The following ARHGAP15 variants were observed in gnomAD, a reference collection of about 807,000 sequenced individuals.
ARHGAP15 encodes the protein rho GTPase-activating protein 15.
Under a neutral mutation model 63.7 loss-of-function variants are expected in ARHGAP15, and 51 were observed. The ratio of observed to expected loss-of-function variants is 0.80; its 90% CI spans 0.64 to 1.01. ARHGAP15 has a LOEUF of 1.01. ARHGAP15 is among the 50% of genes least tolerant of loss of function. ARHGAP15 has a pLI of 0.00. For synonymous variants in ARHGAP15, 191 were observed against 193.8 expected, an observed-to-expected ratio of 0.99 and a Z score of 0.12; for missense variants, 560 against 564.6, an observed-to-expected ratio of 0.99 and a Z score of 0.08.
intron 6 of ARHGAP15, among the ~76,000 whole-genome samples, chr2:143,384,012 T>C (rs1052432849): frequency 6.6e-6 from 1 of 152,118 alleles, no homozygotes; most frequent in African/African-American, 2.4e-5. Flanking sequence ...GTCCTTGCCA[T>C]CCTCCTCAGA....
intron 10 of ARHGAP15, among the ~76,000 whole-genome samples, chr2:143,542,671 A>G (rs1695131190): frequency 6.9e-6 from 1 of 144,608 alleles, no homozygotes; most frequent in Admixed American, 7.1e-5. Flanking sequence ...TATATATGAT[A>G]TATATGATAT....
chr2:143,585,673 A>G (rs1438197448), intron 11 of ARHGAP15, among the ~76,000 whole-genome samples: 4 of 152,220 alleles, frequency 2.6e-5, no homozygotes, highest in African/African-American at 2.4e-5. Context: ...AGTGTTTTTA[A>G]TAAAAAGTGT....
intron 6 of ARHGAP15, among the ~76,000 whole-genome samples, chr2:143,379,509 G>A (rs879730012): frequency 3.3e-5 from 5 of 151,038 alleles, no homozygotes; most frequent in African/African-American, 7.3e-5. Context: ...GTGTGTGTGT[G>A]TGTGTGTGTG....
chr2:143,516,952 T>G (rs534331134), intron 9 of ARHGAP15, among the ~76,000 whole-genome samples: 46 of 150,462 alleles, frequency 3.1e-4, no homozygotes, highest in South Asian at 6.4e-4. Context: ...TTTGTTGTTG[T>G]TGTTGGTGTT....
At chr2:143,401,163 A>G (rs1687972241) in intron 6 of ARHGAP15, among the ~76,000 whole-genome samples, 1 of 152,038 alleles carries the variant, frequency 6.6e-6, no homozygotes, top group Non-Finnish European at 1.5e-5. Flanking sequence ...GATATGCTGG[A>G]AAGCAGGATT....
chr2:143,370,049 G>A (rs1686474669), intron 6 of ARHGAP15, among the ~76,000 whole-genome samples: 1 of 152,066 alleles, frequency 6.6e-6, no homozygotes, highest in Non-Finnish European at 1.5e-5. Context: ...AGTAGATAAG[G>A]AGTAGGTCTT....
intron 8 of ARHGAP15, among the ~76,000 whole-genome samples, chr2:143,447,407 T>C (rs1163618790): frequency 6.6e-6 from 1 of 152,202 alleles, no homozygotes; most frequent in Admixed American, 6.6e-5. Context: ...GAGCCACTTA[T>C]AAGGAGTAAA....
At chr2:143,476,867 G>A (rs1010731752) in intron 8 of ARHGAP15, among the ~76,000 whole-genome samples, 25 of 152,176 alleles carry the variant, frequency 1.6e-4, no homozygotes, top group Admixed American at 4.6e-4. Context: ...CATGCGATGA[G>A]CTTGGGTGTT....
intron 6 of ARHGAP15, among the ~76,000 whole-genome samples, chr2:143,386,488 G>T (rs1227041259): frequency 6.6e-6 from 1 of 152,130 alleles, no homozygotes; most frequent in Non-Finnish European, 1.5e-5. Context: ...ACTCATGCTT[G>T]AGAAAGTAAC....
rs1435545529 is a variant in ARHGAP15, at chr2:143,277,832, G to C, written c.474+27232G>C. On this transcript the variant is annotated intron_variant, in intron 6 of 13. Transcript: ENST00000295095. ...CAGTTCTCTCCATATGGTTTATTTA[G>C]AGAAAAGTACAGAGAATATTTTTAT... Among the ~76,000 whole-genome samples, 6 of 152,140 alleles carry C rather than the reference G, an allele frequency of 3.9e-5. No individual in the cohort carries two copies. The East Asian group carries it at 9.7e-4, about 25-fold the overall frequency.
At chr2:143,433,171 A>G (rs1353750552) in intron 6 of ARHGAP15, among the ~76,000 whole-genome samples, 1 of 152,080 alleles carries the variant, frequency 6.6e-6, no homozygotes, top group Non-Finnish European at 1.5e-5. Context: ...CAGAAATCCT[A>G]AAGAGGTAAA....
chr2:143,747,979 A>G (rs778364964), intron 13 of ARHGAP15, among the ~76,000 whole-genome samples: 18 of 152,202 alleles, frequency 1.2e-4, no homozygotes, highest in Non-Finnish European at 2.2e-4. Context: ...TTGTGTTCTT[A>G]AACTTGAATC....
At chr2:143,231,651 G>A (rs1241296357) in intron 5 of ARHGAP15, among the ~76,000 whole-genome samples, 2 of 152,264 alleles carry the variant, frequency 1.3e-5, no homozygotes, top group East Asian at 3.9e-4. Flanking sequence ...TCTCACTGAA[G>A]TTCTTCCAGT....
chr2:143,312,675 G>A (rs1306120199), intron 6 of ARHGAP15, among the ~76,000 whole-genome samples: 1 of 152,030 alleles, frequency 6.6e-6, no homozygotes, highest in Non-Finnish European at 1.5e-5. Flanking sequence ...TTTTTGCTTC[G>A]CTAATTCACA....
At chr2:143,445,193 C>G (rs907162711) in intron 8 of ARHGAP15, among the ~76,000 whole-genome samples, 1 of 116,216 alleles carries the variant, frequency 8.6e-6, no homozygotes, top group African/African-American at 3.5e-5. Context: ...AGGAGTCTCA[C>G]TCTGTCACAC....
rs4008348 is a variant in ARHGAP15 at position 143,145,839 on chromosome 2, G to GGTGTGT, written c.-14-9603_-14-9598dup. On this transcript the variant is annotated intron_variant, in intron 1 of 13. Transcript: ENST00000295095. ...TCCTTCCAATTTATATATGTATAGG[G>GGTGTGT]GTGTGTGTGTGTGTGTGTGTGTGTG... 2.0e-4 allele frequency among the ~76,000 whole-genome samples: 29 copies of GGTGTGT among 142,826 alleles called. 1 individual carries two copies. Among genetic ancestry groups the GGTGTGT allele is most frequent in the African/African-American group, 3.1e-4 (12 of 38,424 alleles). The allele number at this position is 142,826 out of a possible 152,430, so 93.7% of individuals were successfully genotyped here. A position where few individuals can be genotyped will look rare whatever the true frequency, so the allele number is the denominator to read the frequency against.
chr2:143,308,251 G>A (rs1558881452), intron 6 of ARHGAP15, among the ~76,000 whole-genome samples: 1 of 151,926 alleles, frequency 6.6e-6, no homozygotes, highest in Non-Finnish European at 1.5e-5. Flanking sequence ...TTCTGTCTTA[G>A]AGTTTCATCT....
chr2:143,469,311 A>G (rs983755930), intron 8 of ARHGAP15, among the ~76,000 whole-genome samples: 3 of 152,228 alleles, frequency 2.0e-5, no homozygotes, highest in African/African-American at 4.8e-5. Flanking sequence ...GAAAATGGGC[A>G]TACTAAAATT....
chr2:143,392,204 C>A (rs1190070998), intron 6 of ARHGAP15, among the ~76,000 whole-genome samples: 1 of 152,134 alleles, frequency 6.6e-6, no homozygotes, highest in African/African-American at 2.4e-5. Flanking sequence ...ATACTTACTA[C>A]TTTTATTCTC....
Sources: allele counts gnomAD v4.1 joint callset (sites outside exome capture counted in the v4.1 genomes callset), GRCh38; gene constraint gnomAD v4.1.1; transcripts MANE v1.5; gene names NCBI Gene and HGNC (gene_info 2026-07-23, HGNC 2026-07-21).